The following ANK2 variants were observed in gnomAD, a reference collection of about 807,000 sequenced individuals.
The protein encoded by ANK2 is ankyrin-2.
In ANK2, 83 loss-of-function variants were observed where a neutral mutation model predicts 360.5. The ratio of observed to expected loss-of-function variants is 0.23; its 90% confidence interval spans 0.19 to 0.28. ANK2 has a LOEUF of 0.28. Among genes scored for constraint, ANK2 ranks in the 10% least tolerant of loss-of-function variants. The pLI, the probability that ANK2 is intolerant of heterozygous loss-of-function variation, is 1.00. For synonymous variants in ANK2, 1,740 were observed against 1,759.5 expected (o/e 0.99, Z 0.28); for missense variants, 4,201 against 4,795.7 (o/e 0.88, Z 3.66).
chr4:112,938,467 A>G (rs2093939610), intron 2 of ANK2, among the ~76,000 whole-genome samples: 1 of 152,150 alleles, frequency 6.6e-6, no homozygotes, highest in South Asian at 2.1e-4. Flanking sequence ...CTTATGAGAG[A>G]AGGTGGTATG....
chr4:113,378,215 T>A lies in ANK2; in HGVS notation c.11860-3242T>A. On this transcript the variant is annotated intron_variant, in intron 45 of 45. Transcript: ENST00000357077. ...TAGCATGGGGTGATGCTTTGCCAAC[T>A]AACACCATAAAAATTTTTCCAATTT... is the stretch of plus-strand genomic sequence containing the variant. The A allele has an allele frequency of 5.7e-6, 6 of 1,057,720 alleles. No homozygotes were observed. In the South Asian group the frequency reaches 8.4e-5, roughly 15 times the overall value. The allele number at this position is 1,057,720 out of a possible 1,614,324, so 65.5% of individuals were successfully genotyped here.
chr4:113,376,084 T>C (rs1218146440), intron 45 of ANK2, among the ~76,000 whole-genome samples: 1 of 152,224 alleles, frequency 6.6e-6, no homozygotes, highest in Non-Finnish European at 1.5e-5. Flanking sequence ...AGCAGTAGGA[T>C]ATAAATAACT....
intron 1 of ANK2, among the ~76,000 whole-genome samples, chr4:112,861,504 T>C (rs974083055): frequency 2.6e-5 from 4 of 152,244 alleles, no homozygotes; most frequent in African/African-American, 7.2e-5. Flanking sequence ...TTTAGCCTTC[T>C]TGAGTACACA....
intron 1 of ANK2, among the ~76,000 whole-genome samples, chr4:113,163,762 C>G (rs2097642597): frequency 1.6e-5 from 1 of 61,978 alleles, no homozygotes; most frequent in South Asian, 6.8e-4. Flanking sequence ...GAAACTTCGT[C>G]TCAAAAAAAA....
At chr4:113,231,761 G>T (rs997985550) in intron 4 of ANK2, among the ~76,000 whole-genome samples, 1 of 151,848 alleles carries the variant, frequency 6.6e-6, no homozygotes, top group Non-Finnish European at 1.5e-5. Flanking sequence ...GCGCCACCAC[G>T]CCCGGCTAAT....
At chr4:113,141,359 T>G (rs966807884) in intron 1 of ANK2, 2 of 152,224 alleles carry the variant, frequency 1.3e-5, no homozygotes, top group Non-Finnish European at 1.5e-5. Context: ...TCCTATCCTT[T>G]TTTTCCCCAT....
chr4:113,336,156 C>A, intron 30 of ANK2, 99 bp downstream of exon 30: 2 of 1,238,728 alleles, frequency 1.6e-6, no homozygotes, highest in Admixed American at 4.0e-5. Flanking sequence ...TATAATCACA[C>A]CAAAAAGGAA....
intron 2 of ANK2, among the ~76,000 whole-genome samples, chr4:113,030,489 A>G (rs1290258367): frequency 6.6e-6 from 1 of 152,164 alleles, no homozygotes; most frequent in Admixed American, 6.6e-5. Context: ...CTCAAAAGAT[A>G]GAAATAAAAC....
intron 1 of ANK2, among the ~76,000 whole-genome samples, chr4:112,889,033 CT>C (rs1443383201): frequency 5.3e-5 from 8 of 152,116 alleles, no homozygotes; most frequent in Non-Finnish European, 1.0e-4. Context: ...CACTTATCAA[CT>C]AATATCAAAT....
At chr4:113,282,994 A>T in intron 18 of ANK2, 122 bp downstream of exon 18, 1 of 1,093,506 alleles carries the variant, frequency 9.1e-7, no homozygotes, top group East Asian at 2.6e-5. Flanking sequence ...TATCTTACAG[A>T]CCCCAAGGAC....
At chr4:113,234,115 A>T (rs554956987) in intron 5 of ANK2, among the ~76,000 whole-genome samples, 1 of 152,220 alleles carries the variant, frequency 6.6e-6, no homozygotes, top group African/African-American at 2.4e-5. Flanking sequence ...AATAGACTTA[A>T]GGTTTCTAGT....
At chr4:113,302,390 C>G (rs1489083756) in intron 22 of ANK2, among the ~76,000 whole-genome samples, 1 of 152,136 alleles carries the variant, frequency 6.6e-6, no homozygotes, top group Non-Finnish European at 1.5e-5. Context: ...TGCATATGTT[C>G]ATTGTTTCTT....
intron 1 of ANK2, among the ~76,000 whole-genome samples, chr4:113,057,222 A>C (rs1278983782): frequency 6.6e-6 from 1 of 152,210 alleles, no homozygotes; most frequent in Non-Finnish European, 1.5e-5. Context: ...ACATATTATA[A>C]GTAAAATATA....
At chr4:112,742,335 G>C in the ANK2 span, among the ~76,000 whole-genome samples, 1 of 152,064 alleles carries the variant, frequency 6.6e-6, no homozygotes, top group Non-Finnish European at 1.5e-5. Flanking sequence ...CTTGGGGAAG[G>C]CTTCACAGAG....
rs1275848513 is a variant in ANK2, at chr4:113,293,519, A to T, written c.2456A>T (p.Glu819Val). Reference sequence around the variant, plus strand: ...GACACCCTGAAGGTTGTGACTGAGGAGGTCACCACCACCACCACAGTGAGT... The same window carrying T: ...GACACCCTGAAGGTTGTGACTGAGGTGGTCACCACCACCACCACAGTGAGT... Reference protein sequence around the residue: ...VVDTLKVVTEEVTTTTTTITE... With the variant: ...VVDTLKVVTEVVTTTTTTITE... Residue 819 changes from glutamate to valine, a missense_variant, in exon 22 of 46, where the codon GAG (glutamate) becomes GTG (valine). By Grantham distance (121) the Glu-to-Val change is moderately radical. Around this residue, in one of 4 missense-constraint regions of ANK2, gnomAD observed 1,268 missense variants for 1,650.8 expected, o/e 0.77. Transcript: ENST00000357077. 3.1e-6 allele frequency: 5 copies of T among 1,613,370 alleles called. No individual in the cohort carries two copies. The highest frequency in any genetic ancestry group is 4.2e-6 in the Non-Finnish European group (5 of 1,179,920).
At chr4:113,293,681 T>C in intron 22 of ANK2, 143 bp downstream of exon 22, 1 of 798,792 alleles carries the variant, frequency 1.3e-6, no homozygotes, top group Admixed American at 2.0e-5. Context: ...AGCACATACA[T>C]AGGCGTATGC....
At chr4:113,046,221 A>G (rs1019656130), upstream of ANK2, among the ~76,000 whole-genome samples, 1 of 152,178 alleles carries the variant, frequency 6.6e-6, no homozygotes, top group Non-Finnish European at 1.5e-5. Flanking sequence ...TAATTGATAC[A>G]ATACTACCGG....
At chr4:113,012,269 C>T (rs1199911594) in intron 2 of ANK2, among the ~76,000 whole-genome samples, 1 of 152,096 alleles carries the variant, frequency 6.6e-6, no homozygotes, top group East Asian at 1.9e-4. Context: ...AACCATGGGC[C>T]ATGTTGACAG....
intron 1 of ANK2, among the ~76,000 whole-genome samples, chr4:112,824,172 TATCTATCTATCC>T (rs1187977616): frequency 6.9e-6 from 1 of 145,848 alleles, no homozygotes; most frequent in Non-Finnish European, 1.6e-5. Flanking sequence ...TCTATCTATC[TATCTATCTATCC>T]GTCTATCTAG....
Sources: allele counts gnomAD v4.1 joint callset (sites outside exome capture counted in the v4.1 genomes callset), GRCh38; gene constraint gnomAD v4.1.1; regional missense constraint gnomAD v4.1.1; transcripts MANE v1.5; gene names NCBI Gene and HGNC (gene_info 2026-07-23, HGNC 2026-07-21).